Variants in TENM3 observed in about 807,000 individuals in gnomAD.
TENM3 encodes teneurin transmembrane protein 3.
Under a neutral mutation model 255.1 loss-of-function variants are expected in TENM3, and 63 were observed. The ratio of observed to expected loss-of-function variants is 0.25; its 90% CI spans 0.20 to 0.30. The LOEUF is 0.30. Among genes scored for constraint, TENM3 ranks in the 10% least tolerant of loss-of-function variants. The probability of loss-of-function intolerance (pLI) is 1.00; values close to 1 mark genes in which losing one functional copy is unlikely to be tolerated. For missense variants in TENM3, 2,929 were observed against 3,461.1 expected (o/e 0.85, Z 3.86); for synonymous variants, 1,306 against 1,322.3 (o/e 0.99, Z 0.27).
At chr4:181,535,284 T>G in the TENM3 span, among the ~76,000 whole-genome samples, 3 of 152,144 alleles carry the variant, frequency 2.0e-5, no homozygotes, top group African/African-American at 7.2e-5. Flanking sequence ...AAGATTGCTG[T>G]GTCCATGTCA....
the TENM3 span, among the ~76,000 whole-genome samples, chr4:182,137,503 T>C: frequency 6.6e-6 from 1 of 152,198 alleles, no homozygotes; most frequent in African/African-American, 2.4e-5. Flanking sequence ...GTTGGATTCA[T>C]TGGTGAGAGT....
chr4:181,650,659 CA>C, the TENM3 span, among the ~76,000 whole-genome samples: 1 of 152,160 alleles, frequency 6.6e-6, no homozygotes, highest in Admixed American at 6.5e-5. Flanking sequence ...AAGAAGCTTG[CA>C]AACCCCAGAT....
At chr4:181,643,786 G>A in the TENM3 span, among the ~76,000 whole-genome samples, 1 of 152,150 alleles carries the variant, frequency 6.6e-6, no homozygotes, top group African/African-American at 2.4e-5. Flanking sequence ...TTGCAGAAAT[G>A]TCAAGGGTGG....
chr4:182,241,131 T>C (rs7694663), upstream of TENM3, among the ~76,000 whole-genome samples: 62,665 of 152,040 alleles, frequency 0.41, 15,395 homozygotes, highest in African/African-American at 0.69. Context: ...ATTTCATTCC[T>C]TGCAGAGTTG....
rs529810234 is a variant in TENM3 at position 182,662,003 on chromosome 4, A to C, written c.1111+8110A>C. Among the ~76,000 whole-genome samples the C allele has an allele frequency of 2.6e-5, 4 of 152,332 alleles. No individual in the cohort carries two copies. The South Asian group carries it at 8.3e-4, about 32-fold the overall frequency. The stretch of plus-strand genomic sequence containing the variant: ...ATAGCACAAAATAGTTTTCAAACAG[A>C]TACCAAACCTCCTAATTACCAATAT... On this transcript the variant is annotated intron_variant, in intron 6 of 27. Coordinates refer to ENST00000511685, the MANE Select transcript of TENM3 (RefSeq NM_001080477.4).
the TENM3 span, among the ~76,000 whole-genome samples, chr4:181,448,655 T>C: frequency 6.6e-5 from 10 of 152,214 alleles, no homozygotes; most frequent in African/African-American, 1.7e-4. Flanking sequence ...TCAAGGATAT[T>C]GGCTCTGTTG....
the TENM3 span, among the ~76,000 whole-genome samples, chr4:182,034,560 C>T: frequency 2.0e-5 from 3 of 152,100 alleles, no homozygotes; most frequent in Non-Finnish European, 4.4e-5. Flanking sequence ...CCTTCAGGAG[C>T]TCTTGTAAGG....
the TENM3 span, among the ~76,000 whole-genome samples, chr4:181,494,112 G>T: frequency 1.3e-5 from 2 of 151,980 alleles, no homozygotes; most frequent in African/African-American, 4.8e-5. Context: ...ACTTGTCAAG[G>T]GTTATACACC....
At chr4:182,089,009 T>C in the TENM3 span, among the ~76,000 whole-genome samples, 1 of 152,152 alleles carries the variant, frequency 6.6e-6, no homozygotes, top group Non-Finnish European at 1.5e-5. Flanking sequence ...ATGAATGGGA[T>C]TAGCACACTT....
intron 3 of TENM3, among the ~76,000 whole-genome samples, chr4:182,386,479 G>C (rs1355938850): frequency 1.3e-5 from 2 of 152,236 alleles, no homozygotes; most frequent in Non-Finnish European, 2.9e-5. Flanking sequence ...GAGCCCTTCG[G>C]CCTGCCACTG....
chr4:182,665,402 C>T (rs4621477), intron 6 of TENM3, among the ~76,000 whole-genome samples: 36,059 of 152,110 alleles, frequency 0.24, 4,566 homozygotes, highest in Admixed American at 0.38. Context: ...CCCAAGAGCT[C>T]TGATGGAGAT....
the TENM3 span, among the ~76,000 whole-genome samples, chr4:182,080,913 T>C: frequency 6.1e-4 from 93 of 151,910 alleles, no homozygotes; most frequent in East Asian, 5.3e-3. Context: ...ATTGCTTGAG[T>C]CCCGGGTGTC....
intron 1 of TENM3, among the ~76,000 whole-genome samples, chr4:182,246,372 C>T (rs1315761345): frequency 1.9e-5 from 2 of 107,906 alleles, no homozygotes; most frequent in Non-Finnish European, 3.5e-5. Context: ...TCAGGAATAA[C>T]ATTTTAGATA....
At chr4:181,883,391 C>G in the TENM3 span, among the ~76,000 whole-genome samples, 3 of 152,078 alleles carry the variant, frequency 2.0e-5, no homozygotes, top group Non-Finnish European at 1.5e-5. Context: ...TACTACATAC[C>G]ATGTCACTGA....
rs150404525 is a variant in TENM3 at position 182,377,445 on chromosome 4, C to G, written c.511+30516C>G. 8.0e-3 allele frequency among the ~76,000 whole-genome samples: 1,219 copies of G among 152,190 alleles called. 11 individuals are homozygous for G. Among genetic ancestry groups the G allele is most frequent in the South Asian group, 0.017 (82 of 4,818 alleles). On this transcript the variant is annotated intron_variant, in intron 3 of 27. Coordinates refer to ENST00000511685, the MANE Select transcript of TENM3 (RefSeq NM_001080477.4). ...TCTCGTGCCTCAGCCTTGCGAATAGCTGGTATTATAGGCATCCACCACTAG... is the reference window on the plus strand; with the variant it reads ...TCTCGTGCCTCAGCCTTGCGAATAGGTGGTATTATAGGCATCCACCACTAG...
chr4:181,888,588 A>ATGTGTGTGTGTGTGTGTGTG, the TENM3 span, among the ~76,000 whole-genome samples: 1 of 16,040 alleles, frequency 6.2e-5, no homozygotes, highest in African/African-American at 2.8e-4. Context: ...ACATATATAT[A>ATGTGTGTGTGTGTGTGTGTG]TGCGTGTGTG....
At chr4:181,614,813 G>T in the TENM3 span, among the ~76,000 whole-genome samples, 1 of 152,200 alleles carries the variant, frequency 6.6e-6, no homozygotes, top group Non-Finnish European at 1.5e-5. Context: ...GCCATAAGTA[G>T]CTCCTTCAAC....
chr4:182,357,473 G>A (rs555796080), intron 3 of TENM3, among the ~76,000 whole-genome samples: 362 of 152,244 alleles, frequency 2.4e-3, no homozygotes, highest in African/African-American at 8.5e-3. Flanking sequence ...GGCCAGTGAT[G>A]GTGGCATTTT....
the TENM3 span, among the ~76,000 whole-genome samples, chr4:181,728,310 T>C: frequency 3.1e-4 from 47 of 152,268 alleles, no homozygotes; most frequent in African/African-American, 1.1e-3. Context: ...TTGGGGCCAG[T>C]CCATAAAGTG....
Sources: allele counts gnomAD v4.1 joint callset (sites outside exome capture counted in the v4.1 genomes callset), GRCh38; gene constraint gnomAD v4.1.1; transcripts MANE v1.5; gene names NCBI Gene and HGNC (gene_info 2026-07-23, HGNC 2026-07-21).